EZH2: variants seen among roughly 807,000 people sequenced by gnomAD.
EZH2 encodes the protein enhancer of zeste 2 polycomb repressive complex 2 subunit, also known as histone-lysine N-methyltransferase EZH2.
A neutral mutation model predicts 98.4 loss-of-function variants in EZH2; 18 were observed. That is an observed-to-expected ratio of 0.18 (90% CI 0.13 to 0.27). The LOEUF is 0.27. EZH2 is among the 10% of genes least tolerant of loss of function. The pLI, the probability that EZH2 is intolerant of heterozygous loss-of-function variation, is 1.00. For synonymous variants in EZH2, 338 were observed against 312.3 expected (o/e 1.08, Z -0.87); for missense variants, 470 against 935.1 (o/e 0.50, Z 6.49).
intron 8 of EZH2, among the ~76,000 whole-genome samples, chr7:148,825,118 G>C (rs964377342): frequency 2.0e-5 from 3 of 152,150 alleles, no homozygotes; most frequent in Non-Finnish European, 4.4e-5. Context: ...ACCTTTCAGC[G>C]ACTCCAAAAT....
At position 148,811,673 on chromosome 7, in the gene EZH2, G is replaced by C. The variant is rs751723382; in HGVS notation, c.1899C>G (p.Ile633Met). 6.2e-7 allele frequency: 1 copy of C among 1,613,542 alleles called. No individual in the cohort carries two copies. The highest frequency in any genetic ancestry group is 8.5e-7 in the Non-Finnish European group (1 of 1,179,990). ...PSDVAGWGIF[I>M]KDPVQKNEFI... ...ATTCATTTTTCTGCACAGGATCTTT[G>C]ATAAAAATCCCCCAGCCTGCCACGT... The change falls in exon 16 of 20, where the codon ATC (isoleucine) becomes ATG (methionine). Residue 633 changes from isoleucine (I) to methionine (M), a missense_variant. By Grantham distance (10) the Ile-to-Met change is conservative. Around this residue, in one of 6 missense-constraint regions of EZH2, gnomAD observed 106 missense variants for 327.2 expected, o/e 0.32. Transcript: ENST00000320356.
At chr7:148,821,670 A>G (rs1323998677) in intron 8 of EZH2, among the ~76,000 whole-genome samples, 1 of 152,172 alleles carries the variant, frequency 6.6e-6, no homozygotes, top group East Asian at 1.9e-4. Context: ...AAAAAAGAAA[A>G]AGAAAACTAA....
intron 1 of EZH2, among the ~76,000 whole-genome samples, chr7:148,878,196 A>G (rs1350405848): frequency 1.3e-5 from 2 of 152,184 alleles, no homozygotes; most frequent in Non-Finnish European, 2.9e-5. Context: ...TTGTTCAACC[A>G]TCACTATTAT....
chr7:148,866,412 A>AT (rs1441730350), intron 1 of EZH2, among the ~76,000 whole-genome samples: 1 of 151,596 alleles, frequency 6.6e-6, no homozygotes, highest in Non-Finnish European at 1.5e-5. Flanking sequence ...ATCTTCTGCT[A>AT]TAAGAGGACA....
At chr7:148,862,063 G>C (rs992689969) in intron 1 of EZH2, among the ~76,000 whole-genome samples, 1 of 152,146 alleles carries the variant, frequency 6.6e-6, no homozygotes, top group Non-Finnish European at 1.5e-5. Context: ...CTATTAAAAA[G>C]TGGCTAGTTC....
intron 3 of EZH2, among the ~76,000 whole-genome samples, chr7:148,844,282 G>A (rs935848610): frequency 6.6e-6 from 1 of 152,192 alleles, no homozygotes; most frequent in East Asian, 1.9e-4. Flanking sequence ...GAAAAGTCAG[G>A]AGGTTGGACC....
chr7:148,878,529 T>C (rs1387761705), intron 1 of EZH2, among the ~76,000 whole-genome samples: 1 of 152,266 alleles, frequency 6.6e-6, no homozygotes, highest in African/African-American at 2.4e-5. Context: ...ATTTCACTCC[T>C]TTTATGTTTT....
At chr7:148,852,514 G>C (rs1816015479) in intron 1 of EZH2, among the ~76,000 whole-genome samples, 1 of 152,188 alleles carries the variant, frequency 6.6e-6, no homozygotes, top group African/African-American at 2.4e-5. Flanking sequence ...TACAGGGTTA[G>C]ATACACGGCC....
At chr7:148,833,516 TCTTC>T (rs902228946) in intron 3 of EZH2, among the ~76,000 whole-genome samples, 10 of 152,254 alleles carry the variant, frequency 6.6e-5, no homozygotes, top group East Asian at 5.8e-4. Context: ...GTTCAGTTAA[TCTTC>T]CTTATCTTCC....
At position 148,817,925 on chromosome 7, in the gene EZH2, T is replaced by C; in HGVS notation, c.1192A>G (p.Asn398Asp). ...EAGTETGGEN[N>D]DKEEEEKKDE... ...TTCTTCTCTTCTTCTTCTTTATCATTGTTCTCTCCCCCCGTTTCAGTCCCT... is the reference window on the plus strand; with the variant it reads ...TTCTTCTCTTCTTCTTCTTTATCATCGTTCTCTCCCCCCGTTTCAGTCCCT... Residue 398 changes from asparagine to aspartate, a missense_variant, in exon 10 of 20, where the codon AAT (asparagine) becomes GAT (aspartate). By Grantham distance (23) the Asn-to-Asp change is conservative. Around this residue, in one of 6 missense-constraint regions of EZH2, gnomAD observed 192 missense variants for 306.8 expected, o/e 0.63. Transcript: ENST00000320356. The C allele has an allele frequency of 6.2e-7, 1 of 1,614,210 alleles. No homozygotes were observed. Among genetic ancestry groups the C allele is most frequent in the Non-Finnish European group, 8.5e-7 (1 of 1,180,026 alleles).
In EZH2 at chr7:148,816,031, A is replaced by G. The variant is rs990490338; in HGVS notation, c.1506-485T>C. On this transcript the variant is annotated intron_variant, in intron 12 of 19. Transcript: ENST00000320356. ...GCCCTACACTTATTTTTGTTAAAGT[A>G]AGAAAATGTAACATGAGCCTGTACA... 7.9e-5 allele frequency among the ~76,000 whole-genome samples: 12 copies of G among 152,236 alleles called. 1 individual carries two copies. The highest frequency in any genetic ancestry group is 2.9e-4 in the African/African-American group (12 of 41,454).
intron 1 of EZH2, among the ~76,000 whole-genome samples, chr7:148,849,636 T>C (rs1008884690): frequency 9.2e-5 from 14 of 152,072 alleles, no homozygotes; most frequent in African/African-American, 3.1e-4. Context: ...GACCCCAGCT[T>C]TGAGGTAAAG....
chr7:148,845,630 T>C (rs1813818069), intron 3 of EZH2, among the ~76,000 whole-genome samples: 1 of 152,238 alleles, frequency 6.6e-6, no homozygotes, highest in Non-Finnish European at 1.5e-5. Context: ...TAATGTTATA[T>C]TAAAAATGGC....
chr7:148,818,189 C>T, intron 9 of EZH2, 72 bp from the exon 10 acceptor site: 1 of 1,458,244 alleles, frequency 6.9e-7, no homozygotes, highest in South Asian at 1.5e-5. Context: ...AAAAAAAATA[C>T]TATATAAGCC....
At chr7:148,845,613 G>C (rs948806347) in intron 3 of EZH2, among the ~76,000 whole-genome samples, 1 of 152,174 alleles carries the variant, frequency 6.6e-6, no homozygotes, top group Non-Finnish European at 1.5e-5. Flanking sequence ...ATTGTTGCTT[G>C]TTACAATAAT....
intron 5 of EZH2, 45 bp from the exon 6 acceptor site, chr7:148,828,925 G>T (rs371727747): frequency 1.1e-4 from 174 of 1,551,652 alleles, no homozygotes; most frequent in Admixed American, 1.6e-4. Context: ...AAGCAATAAT[G>T]TCAAAAGTTT....
intron 1 of EZH2, among the ~76,000 whole-genome samples, chr7:148,875,656 T>C (rs1820070481): frequency 6.6e-6 from 1 of 152,244 alleles, no homozygotes; most frequent in Non-Finnish European, 1.5e-5. Context: ...ACTGTAACTT[T>C]CAATTTAAAA....
intron 4 of EZH2, among the ~76,000 whole-genome samples, chr7:148,830,136 TAAGA>T (rs1808932812): frequency 1.3e-5 from 2 of 152,220 alleles, no homozygotes. Flanking sequence ...TACATACCTC[TAAGA>T]AAGAAAAAGA....
chr7:148,863,304 T>C (rs1162607557), intron 1 of EZH2, among the ~76,000 whole-genome samples: 1 of 152,028 alleles, frequency 6.6e-6, no homozygotes, highest in Admixed American at 6.6e-5. Flanking sequence ...TCACCACTCT[T>C]GCAACTAGAA....
Sources: allele counts gnomAD v4.1 joint callset (sites outside exome capture counted in the v4.1 genomes callset), GRCh38; gene constraint gnomAD v4.1.1; regional missense constraint gnomAD v4.1.1; transcripts MANE v1.5; gene names NCBI Gene and HGNC (gene_info 2026-07-23, HGNC 2026-07-21).